The following C1QTNF12 variants were observed in gnomAD, a reference collection of about 807,000 sequenced individuals.
C1QTNF12 encodes the protein C1q and TNF related 12.
C1QTNF12 carries 39 observed loss-of-function variants against 34.3 expected under a neutral mutation model. That is an observed-to-expected ratio of 1.14 (90% CI 0.88 to 1.49). C1QTNF12 has a LOEUF of 1.49. Among genes scored for constraint, C1QTNF12 ranks in the 40% most tolerant of loss-of-function variants. The pLI is 0.00. For synonymous variants in C1QTNF12, 220 were observed against 196.9 expected (o/e 1.12, Z -0.98); for missense variants, 497 against 424.7 (o/e 1.17, Z -1.50).
intron 4 of C1QTNF12, 38 bp from the exon 5 acceptor site, chr1:1,243,590 T>C: frequency 6.6e-7 from 1 of 1,505,442 alleles, no homozygotes; most frequent in South Asian, 1.2e-5. Context: ...GCGCAGGGCC[T>C]GGCCCCCACC....
At position 1,243,990 on chromosome 1, in the gene C1QTNF12, G is replaced by T. The variant is rs777823994; in HGVS notation, c.495C>A (p.Asp165Glu). Reference protein sequence around the residue: ...HCRLQGPRRVDKRTLVELHGF... With the variant: ...HCRLQGPRRVEKRTLVELHGF... The stretch of plus-strand genomic sequence containing the variant: ...CATGCAGCTCCACCAGCGTCCGCTT[G>T]TCCACCCGGCGGGGACCCTGCAGCC... Residue 165 changes from aspartate to glutamate, a missense_variant, in exon 4 of 8, where the codon GAC (aspartate) becomes GAA (glutamate). Coordinates refer to ENST00000330388, the MANE Select transcript of C1QTNF12 (RefSeq NM_001014980.3). 1.2e-6 allele frequency: 2 copies of T among 1,609,266 alleles called. No individual in the cohort carries two copies. The highest frequency in any genetic ancestry group is 3.4e-5 in the Admixed American group (2 of 59,694).
Position 1,244,427 on chromosome 1 carries a change from T to A in C1QTNF12, c.248A>T (p.Asp83Val). 6.2e-7 allele frequency: 1 copy of A among 1,611,838 alleles called. No homozygotes were observed. The highest frequency in any genetic ancestry group is 8.5e-7 in the Non-Finnish European group (1 of 1,179,506). Residue 83 changes from aspartate (D) to valine (V), a missense_variant, in exon 2 of 8, where the codon GAC becomes GTC. By Grantham distance (152) the Asp-to-Val change is radical. Coordinates refer to ENST00000330388, the MANE Select transcript of C1QTNF12 (RefSeq NM_001014980.3). The part of the protein sequence containing the change: ...MTWLNFVRRP[D>V]DGALRKRCGS... ...GCACCGCTTCCTTAAGGCGCCGTCG[T>A]CCGGCCGCCGGACAAAGTTCAGCCA...
intron 1 of C1QTNF12, among the ~76,000 whole-genome samples, chr1:1,245,311 G>A (rs1353366356): frequency 6.5e-5 from 5 of 76,772 alleles, no homozygotes; most frequent in Admixed American, 3.1e-4. Context: ...TCCGCTATCC[G>A]CTTGCTGTCC....
At position 1,244,048 on chromosome 1, in the gene C1QTNF12, C is replaced by T. The variant is rs747912789; in HGVS notation, c.437G>A (p.Gly146Asp). Reference protein sequence around the residue: ...LLDPLLPQGAGLRLVGEAFHC... With the variant: ...LLDPLLPQGADLRLVGEAFHC... ...AAAGGCCTCGCCCACCAGCCGCAGG[C>T]CCGCCCCCTGGGGCAGCAGCGGGTC... The change falls in exon 4 of 8, where the codon GGC becomes GAC. Residue 146 changes from glycine to aspartate, a missense_variant. Coordinates refer to ENST00000330388, the MANE Select transcript of C1QTNF12 (RefSeq NM_001014980.3). The T allele has an allele frequency of 3.8e-6, 6 of 1,598,380 alleles. No homozygotes were observed. In the African/African-American group the frequency reaches 6.7e-5, roughly 18 times the overall value.
intron 5 of C1QTNF12, 90 bp from the exon 6 acceptor site, chr1:1,243,242 C>T (rs987977697): frequency 1.0e-5 from 11 of 1,104,762 alleles, no homozygotes; most frequent in Non-Finnish European, 1.4e-5. Context: ...CCAGGACAGG[C>T]CCAGGAGTGG....
chr1:1,243,696 G>T, intron 4 of C1QTNF12, 144 bp from the exon 5 acceptor site: 1 of 817,394 alleles, frequency 1.2e-6, no homozygotes, highest in Non-Finnish European at 1.9e-6. Flanking sequence ...GCACCAGCAG[G>T]ACTGACCCTC....
At chr1:1,246,978 A>G (rs969255937), upstream of C1QTNF12, among the ~76,000 whole-genome samples, 5 of 151,402 alleles carry the variant, frequency 3.3e-5, no homozygotes, top group African/African-American at 1.2e-4. The surrounding 1 kb of genome is among the most constrained non-coding windows in gnomAD (Gnocchi z 4.5). Flanking sequence ...CGCAGGCTCC[A>G]GGGTGGGGGC....
In C1QTNF12 at chr1:1,242,613, C is replaced by T. The variant is rs1287959150; in HGVS notation, c.844G>A (p.Gly282Ser). The change falls in exon 8 of 8, where the codon GGC becomes AGC. Residue 282 changes from glycine (G) to serine (S), a missense_variant. By Grantham distance (56) the Gly-to-Ser change is moderately conservative (BLOSUM62 0). Coordinates refer to ENST00000330388, the MANE Select transcript of C1QTNF12 (RefSeq NM_001014980.3). ...TGGATGGTGAGGACGGCCCCGGAGC[C>T]ATTGTCCACAAACACAGAAGCGTAC... ...GQYASVFVDN[G>S]SGAVLTIQAG... 1 of 1,595,956 alleles carries T rather than the reference C, an allele frequency of 6.3e-7. No individual in the cohort carries two copies. Among genetic ancestry groups the T allele is most frequent in the East Asian group, 2.3e-5 (1 of 44,100 alleles).
At chr1:1,242,764 T>G (rs1189884874) in intron 7 of C1QTNF12, 71 bp downstream of exon 7, 1 of 1,577,876 alleles carries the variant, frequency 6.3e-7, no homozygotes, top group East Asian at 2.3e-5. Context: ...GCGCCCTGAG[T>G]GCACCGAGCT....
At chr1:1,242,951 A>C (rs764049219) in intron 6 of C1QTNF12, 38 bp from the exon 7 acceptor site, 2 of 1,600,196 alleles carry the variant, frequency 1.2e-6, no homozygotes, top group Admixed American at 1.7e-5. Context: ...GAGGCGTTGC[A>C]GGTCCAGGGG....
Position 1,244,407 on chromosome 1 carries a change from G to T in C1QTNF12, c.268C>A (p.Arg90=). 1 of 1,611,800 alleles carries T rather than the reference G, an allele frequency of 6.2e-7. No individual in the cohort carries two copies. The change falls in exon 2 of 8, where the codon CGG becomes AGG. Residue 90 remains arginine, a synonymous_variant. Coordinates refer to ENST00000330388, the MANE Select transcript of C1QTNF12 (RefSeq NM_001014980.3). ...GGCTTCTTGTCCCTGCTTCCGCACC[G>T]CTTCCTTAAGGCGCCGTCGTCCGGC... ...RRPDDGALRK[R]CGSRDKKPRD...
At chr1:1,243,834 AG>A in intron 4 of C1QTNF12, 119 bp downstream of exon 4, 2 of 1,120,858 alleles carry the variant, frequency 1.8e-6, no homozygotes, top group Non-Finnish European at 2.5e-6. Context: ...TCGCCCTCCG[AG>A]CCCCGCCCCC....
Position 1,243,990 on chromosome 1 carries a change from G to A in C1QTNF12, c.495C>T (p.Asp165=). 6.2e-7 allele frequency: 1 copy of A among 1,609,266 alleles called. No individual in the cohort carries two copies. The highest frequency in any genetic ancestry group is 8.5e-7 in the Non-Finnish European group (1 of 1,178,524). ...CATGCAGCTCCACCAGCGTCCGCTT[G>A]TCCACCCGGCGGGGACCCTGCAGCC... ...HCRLQGPRRV[D]KRTLVELHGF... Residue 165 remains aspartate (D), a synonymous_variant, in exon 4 of 8, where the codon GAC becomes GAT. Coordinates refer to ENST00000330388, the MANE Select transcript of C1QTNF12 (RefSeq NM_001014980.3).
rs140614324 is a variant in C1QTNF12, at chr1:1,244,429, C to A, written c.246G>T (p.Pro82=). Residue 82 remains proline (P), a synonymous_variant, in exon 2 of 8, where the codon CCG becomes CCT. Coordinates refer to ENST00000330388, the MANE Select transcript of C1QTNF12 (RefSeq NM_001014980.3). ...HMTWLNFVRR[P]DDGALRKRCG... The stretch of plus-strand genomic sequence containing the variant: ...ACCGCTTCCTTAAGGCGCCGTCGTC[C>A]GGCCGCCGGACAAAGTTCAGCCATG... The A allele has an allele frequency of 1.2e-6, 2 of 1,611,872 alleles. No homozygotes were observed. The highest frequency in any genetic ancestry group is 1.7e-6 in the Non-Finnish European group (2 of 1,179,520).
intron 4 of C1QTNF12, 43 bp downstream of exon 4, chr1:1,243,911 G>A (rs767862547): frequency 2.5e-6 from 4 of 1,579,008 alleles, no homozygotes; most frequent in Admixed American, 3.6e-5. Flanking sequence ...TTGCCTGTGG[G>A]GCCCCACCCA....
rs1410919450 is a variant in C1QTNF12 at position 1,246,555 on chromosome 1, C to A, written c.136G>T (p.Ala46Ser). ...AGCCCCTCGCGGGAGGACGCGCTGGCGGTGGCGTTGGGGGGATCTGCGCGC... is the reference window on the plus strand; with the variant it reads ...AGCCCCTCGCGGGAGGACGCGCTGGAGGTGGCGTTGGGGGGATCTGCGCGC... Reference protein sequence around the residue: ...GQRADPPNATASASSREGLPE... With the variant: ...GQRADPPNATSSASSREGLPE... Residue 46 changes from alanine (A) to serine (S), a missense_variant, in exon 1 of 8, where the codon GCC (alanine) becomes TCC (serine). Ala to Ser is a moderately conservative substitution (Grantham distance 99). Transcript: ENST00000330388. This position sits in a 1 kb window ranked among gnomAD's most constrained non-coding sequence, Gnocchi z 4.5. 1.3e-5 allele frequency: 16 copies of A among 1,240,470 alleles called. No individual in the cohort carries two copies. Among genetic ancestry groups the A allele is most frequent in the Non-Finnish European group, 1.3e-5 (13 of 992,058 alleles). The allele number at this position is 1,240,470 out of a possible 1,614,324, so 76.8% of individuals were successfully genotyped here.
chr1:1,243,233 C>T, intron 5 of C1QTNF12, 81 bp from the exon 6 acceptor site: 1 of 1,104,194 alleles, frequency 9.1e-7, no homozygotes, highest in Admixed American at 2.2e-5. Context: ...GCACACATCC[C>T]AGGACAGGCC....
At chr1:1,242,702 C>T in intron 7 of C1QTNF12, 56 bp from the exon 8 acceptor site, 1 of 1,554,552 alleles carries the variant, frequency 6.4e-7, no homozygotes. Flanking sequence ...ACTCGGTGGC[C>T]AACGTCTGCC....
chr1:1,246,627 C>CCCCGAGGAGCACGAGCTGCGG lies in C1QTNF12; in HGVS notation c.43_63dup (p.Pro15_Gly21dup). ...TGTGCCTCCCGCCGGGCCCCGACGCCCCCGAGGAGCACGAGCTGCGGCCCG... is the reference window on the plus strand; with the variant it reads ...TGTGCCTCCCGCCGGGCCCCGACGCCCCCGAGGAGCACGAGCTGCGGCCCGAGGAGCACGAGCTGCGGCCCG... On this transcript the variant is annotated inframe_insertion, in exon 1 of 8. Coordinates refer to ENST00000330388, the MANE Select transcript of C1QTNF12 (RefSeq NM_001014980.3). This position sits in a 1 kb window ranked among gnomAD's most constrained non-coding sequence, Gnocchi z 4.5. 8.1e-7 allele frequency: 1 copy of CCCCGAGGAGCACGAGCTGCGG among 1,240,528 alleles called. No individual in the cohort carries two copies. Among genetic ancestry groups the CCCCGAGGAGCACGAGCTGCGG allele is most frequent in the Non-Finnish European group, 1.0e-6 (1 of 992,524 alleles). The allele number at this position is 1,240,528 out of a possible 1,614,324, so 76.8% of individuals were successfully genotyped here. A position where few individuals can be genotyped will look rare whatever the true frequency, so the allele number is the denominator to read the frequency against.
Sources: allele counts gnomAD v4.1 joint callset (sites outside exome capture counted in the v4.1 genomes callset), GRCh38; gene constraint gnomAD v4.1.1; non-coding constraint Gnocchi (gnomAD v3.1); transcripts MANE v1.5; gene names NCBI Gene and HGNC (gene_info 2026-07-23, HGNC 2026-07-21).